Variants in UBE2V2 observed in about 807,000 individuals in gnomAD.
UBE2V2 encodes ubiquitin-conjugating enzyme E2 variant 2.
UBE2V2 carries 9 observed loss-of-function variants against 17.2 expected under a neutral mutation model. The ratio of observed to expected loss-of-function variants is 0.52; its 90% CI spans 0.32 to 0.91. The LOEUF (loss-of-function observed/expected upper bound fraction) is 0.91, where lower values mean the gene tolerates loss of function less well. Ranked by LOEUF, UBE2V2 falls within the 40% of genes least tolerant of loss-of-function variation. The pLI is 0.04. For synonymous variants in UBE2V2, 61 were observed against 57.5 expected (o/e 1.06, Z -0.28); for missense variants, 133 against 182.6 (o/e 0.73, Z 1.56).
At chr8:48,009,544 G>A (rs956714487) in intron 1 of UBE2V2, among the ~76,000 whole-genome samples, 1 of 152,254 alleles carries the variant, frequency 6.6e-6, no homozygotes, top group South Asian at 2.1e-4. Context: ...GGAATTACAG[G>A]TGTGAGCCAC....
intron 2 of UBE2V2, among the ~76,000 whole-genome samples, chr8:48,046,659 G>T (rs1464863869): frequency 6.6e-6 from 1 of 151,950 alleles, no homozygotes; most frequent in Non-Finnish European, 1.5e-5. Context: ...GAGTGTAGTG[G>T]CCCGATCACA....
chr8:48,011,319 C>T (rs2091230206), intron 1 of UBE2V2, among the ~76,000 whole-genome samples: 1 of 151,946 alleles, frequency 6.6e-6, no homozygotes, highest in Non-Finnish European at 1.5e-5. Flanking sequence ...AGGCATGCAC[C>T]ACCACGCCCA....
intron 1 of UBE2V2, among the ~76,000 whole-genome samples, chr8:48,011,694 C>T (rs2091232898): frequency 6.6e-6 from 1 of 152,142 alleles, no homozygotes; most frequent in Non-Finnish European, 1.5e-5. Context: ...CTGTGTTGCC[C>T]AGGTTGGAAT....
Position 48,028,046 on chromosome 8 carries a change from A to T in UBE2V2, c.17-14987A>T, listed in dbSNP as rs11998198. Among the ~76,000 whole-genome samples, 759 of 151,110 alleles carry T rather than the reference A, an allele frequency of 5.0e-3. 9 individuals carry two copies. The highest frequency in any genetic ancestry group is 0.018 in the African/African-American group (721 of 41,184). ...TTTTTGTATTTTTAGTAGAAATGGG[A>T]TTTCACCATGTTGGCCAGGCTGGTC... is the stretch of plus-strand genomic sequence containing the variant. On this transcript the variant is annotated intron_variant, in intron 1 of 3. Coordinates refer to ENST00000523111, the MANE Select transcript of UBE2V2 (RefSeq NM_003350.3).
At chr8:48,050,933 TC>T (rs1204256312) in intron 3 of UBE2V2, among the ~76,000 whole-genome samples, 1 of 152,154 alleles carries the variant, frequency 6.6e-6, no homozygotes, top group East Asian at 1.9e-4. Context: ...CTCCCCCACT[TC>T]CTGTGGCCTC....
intron 3 of UBE2V2, among the ~76,000 whole-genome samples, chr8:48,050,989 G>C (rs1021146966): frequency 2.6e-5 from 4 of 152,140 alleles, no homozygotes; most frequent in African/African-American, 9.7e-5. Context: ...GAGACTACAA[G>C]GCACATGCCA....
chr8:48,008,650 C>T (rs1264998170), intron 1 of UBE2V2, 180 bp downstream of exon 1: 4 of 879,776 alleles, frequency 4.5e-6, no homozygotes, highest in Non-Finnish European at 5.8e-6. Context: ...CCCCGGCGGC[C>T]GTCGGGTTGG....
the UBE2V2 span, among the ~76,000 whole-genome samples, chr8:48,001,435 C>CA: frequency 6.6e-6 from 1 of 151,842 alleles, no homozygotes; most frequent in Non-Finnish European, 1.5e-5. Flanking sequence ...CCTGTCTCTA[C>CA]AAAAAATACA....
At chr8:47,999,273 G>A in the UBE2V2 span, among the ~76,000 whole-genome samples, 2 of 152,146 alleles carry the variant, frequency 1.3e-5, no homozygotes, top group Non-Finnish European at 2.9e-5. Context: ...TGAGAACTGA[G>A]GAGAGCAAAG....
At chr8:48,048,003 T>TG (rs1297155780) in intron 2 of UBE2V2, among the ~76,000 whole-genome samples, 2 of 151,484 alleles carry the variant, frequency 1.3e-5, no homozygotes, top group African/African-American at 2.4e-5. Flanking sequence ...GGGTTTTTTT[T>TG]TTTTTTTTTT....
At chr8:48,043,338 A>G (rs972052425) in intron 2 of UBE2V2, among the ~76,000 whole-genome samples, 157 bp downstream of exon 2, 9 of 152,202 alleles carry the variant, frequency 5.9e-5, no homozygotes, top group African/African-American at 2.2e-4. Flanking sequence ...CGTGCAGGAT[A>G]TAATGCTCGA....
intron 1 of UBE2V2, among the ~76,000 whole-genome samples, chr8:48,018,142 A>G (rs1353502662): frequency 1.3e-5 from 2 of 152,106 alleles, no homozygotes; most frequent in African/African-American, 4.8e-5. Flanking sequence ...CAGCTGCACA[A>G]TGCCCAATTT....
In UBE2V2 at chr8:48,043,073, TGAA is replaced by T. The variant is rs749964504; in HGVS notation, c.62_64del (p.Glu21del). The T allele has an allele frequency of 1.9e-6, 3 of 1,588,564 alleles. No homozygotes were observed. Among genetic ancestry groups the T allele is most frequent in the Non-Finnish European group, 2.6e-6 (3 of 1,166,716 alleles). On this transcript the variant is annotated inframe_deletion, in exon 2 of 4. Transcript: ENST00000523111. ...GTAATTTTCGCTTGTTGGAAGAACTTGAAGAAGGACAAAAAGGAGTAGGCGACG... is the reference window on the plus strand; with the variant it reads ...GTAATTTTCGCTTGTTGGAAGAACTTGAAGGACAAAAAGGAGTAGGCGACG...
intron 3 of UBE2V2, chr8:48,050,199 C>A: frequency 3.2e-6 from 1 of 313,640 alleles, no homozygotes. Flanking sequence ...ATGTACTTGC[C>A]TAGAATAGAT....
At chr8:48,014,644 CAAAA>C (rs1179934700) in intron 1 of UBE2V2, among the ~76,000 whole-genome samples, 7 of 72,084 alleles carry the variant, frequency 9.7e-5, no homozygotes, top group African/African-American at 2.8e-4. Context: ...GACTCTGCCT[CAAAA>C]AAAAAAAAAA....
At chr8:48,054,750 G>C (rs1355037704) in intron 3 of UBE2V2, among the ~76,000 whole-genome samples, 1 of 152,170 alleles carries the variant, frequency 6.6e-6, no homozygotes, top group African/African-American at 2.4e-5. Flanking sequence ...TTCCCTGTGG[G>C]TGGTTAGCAC....
chr8:48,049,974 G>T lies in UBE2V2; in HGVS notation c.287G>T (p.Gly96Val). The T allele has an allele frequency of 6.5e-7, 1 of 1,537,604 alleles. No homozygotes were observed. The highest frequency in any genetic ancestry group is 1.4e-5 in the African/African-American group (1 of 71,224). The change falls in exon 3 of 4, where the codon GGG becomes GTG. Residue 96 changes from glycine to valine, a missense_variant. By Grantham distance (109) the Gly-to-Val change is moderately radical. This residue lies in a region of UBE2V2 where 92 missense variants were observed against 124.3 expected (regional missense o/e 0.74). Transcript: ENST00000523111. ...ATGAACGGAATAAATAATTCCAGTG[G>T]GATGGTAAGTTAATATAGTCATTTT... Reference protein sequence around the residue: ...INMNGINNSSGMVDARSIPVL... With the variant: ...INMNGINNSSVMVDARSIPVL...
chr8:48,017,019 G>A (rs1219574965), intron 1 of UBE2V2, among the ~76,000 whole-genome samples: 1 of 149,216 alleles, frequency 6.7e-6, no homozygotes, highest in Non-Finnish European at 1.5e-5. Context: ...TCAAACGCCC[G>A]ACCTCAGGTG....
At chr8:48,050,184 C>T (rs1196654853) in intron 3 of UBE2V2, 1 of 344,176 alleles carries the variant, frequency 2.9e-6, no homozygotes, top group East Asian at 5.0e-5. Flanking sequence ...TCCTTAAAAA[C>T]CTTAATGTAC....
Sources: gnomAD v4.1 joint callset for allele counts (sites outside exome capture counted in the v4.1 genomes callset) on GRCh38, gnomAD v4.1.1 for gene constraint, gnomAD v4.1.1 regional missense constraint, MANE v1.5 for transcripts, NCBI Gene and HGNC (gene_info 2026-07-23, HGNC 2026-07-21) for gene names.